Variants in BTG4 observed in about 807,000 individuals in gnomAD.
The protein encoded by BTG4 is protein BTG4.
Under a neutral mutation model 19.3 loss-of-function variants are expected in BTG4, and 10 were observed. The observed-to-expected ratio is 0.52, with a 90% confidence interval of 0.32 to 0.88. The LOEUF (loss-of-function observed/expected upper bound fraction) is 0.88. Among genes scored for constraint, BTG4 ranks in the 40% least tolerant of loss-of-function variants. The pLI is 0.04. For missense variants in BTG4, 238 were observed against 281.9 expected, an observed-to-expected ratio of 0.84 and a Z score of 1.11; for synonymous variants, 91 against 95.7, an observed-to-expected ratio of 0.95 and a Z score of 0.29.
At chr11:111,444,345 C>T in the BTG4 span, among the ~76,000 whole-genome samples, 1 of 151,486 alleles carries the variant, frequency 6.6e-6, no homozygotes, top group African/African-American at 2.4e-5. Context: ...GGAAAAGAAA[C>T]AGGAGAGTCC....
At chr11:111,428,805 A>G in the BTG4 span, among the ~76,000 whole-genome samples, 6 of 152,190 alleles carry the variant, frequency 3.9e-5, no homozygotes, top group African/African-American at 1.2e-4. Context: ...GAATTTCTGC[A>G]AGGCTCTTCA....
At chr11:111,487,737 G>A (rs1445688385) in intron 5 of BTG4, among the ~76,000 whole-genome samples, 1 of 152,048 alleles carries the variant, frequency 6.6e-6, no homozygotes, top group Non-Finnish European at 1.5e-5. Flanking sequence ...AAAATCTATT[G>A]AAACTGAAAA....
In BTG4 at chr11:111,497,978, C is replaced by T. The variant is rs375606339; in HGVS notation, c.311+20G>A. 943 of 1,611,318 alleles carry T rather than the reference C, an allele frequency of 5.9e-4. 6 individuals are homozygous for T. The highest frequency in any genetic ancestry group is 4.5e-3 in the Middle Eastern group (27 of 6,052). On this transcript the variant is annotated intron_variant, in intron 3 of 4. Transcript: ENST00000692032. ...AGGTTTCCAGGTATCACACAGCACACAAACTATGAGATTACTCACCTACAG... is the reference window on the plus strand; with the variant it reads ...AGGTTTCCAGGTATCACACAGCACATAAACTATGAGATTACTCACCTACAG...
At chr11:111,418,488 C>G in the BTG4 span, among the ~76,000 whole-genome samples, 1 of 152,172 alleles carries the variant, frequency 6.6e-6, no homozygotes, top group Non-Finnish European at 1.5e-5. Flanking sequence ...TATCACAGCA[C>G]CTCCTATGCT....
chr11:111,404,382 C>T, the BTG4 span, among the ~76,000 whole-genome samples: 1 of 152,170 alleles, frequency 6.6e-6, no homozygotes, highest in Non-Finnish European at 1.5e-5. Context: ...TACCCAATGT[C>T]ATCCAGCTAG....
the BTG4 span, among the ~76,000 whole-genome samples, chr11:111,444,209 G>A: frequency 6.8e-6 from 1 of 148,132 alleles, no homozygotes; most frequent in Non-Finnish European, 1.5e-5. Context: ...GTGTGTGTGT[G>A]TAGAGACAGT....
At chr11:111,435,759 G>C in the BTG4 span, among the ~76,000 whole-genome samples, 33 of 152,150 alleles carry the variant, frequency 2.2e-4, no homozygotes, top group Non-Finnish European at 4.6e-4. Context: ...CCCAGGGTGA[G>C]GCCACAGCCA....
intron 4 of BTG4, chr11:111,496,887 T>C: frequency 5.8e-6 from 1 of 173,390 alleles, no homozygotes; most frequent in East Asian, 5.8e-5. Flanking sequence ...TATTTTCAAT[T>C]GACAGAAAAA....
the BTG4 span, among the ~76,000 whole-genome samples, chr11:111,443,794 G>A: frequency 1.3e-5 from 2 of 152,228 alleles, no homozygotes; most frequent in Non-Finnish European, 2.9e-5. Context: ...GGTGCAACAA[G>A]TGTAGGGCAG....
the BTG4 span, among the ~76,000 whole-genome samples, chr11:111,445,512 C>G: frequency 1.3e-5 from 2 of 152,180 alleles, no homozygotes; most frequent in African/African-American, 4.8e-5. Context: ...GGGCAGTCCT[C>G]TGTATTCCCA....
chr11:111,492,513 T>C (rs528266128), downstream of BTG4, among the ~76,000 whole-genome samples: 77 of 152,346 alleles, frequency 5.1e-4, no homozygotes, highest in African/African-American at 1.7e-3. Context: ...CAACAAGCAT[T>C]ATTTAATGCC....
At chr11:111,443,199 C>T in the BTG4 span, among the ~76,000 whole-genome samples, 4 of 152,192 alleles carry the variant, frequency 2.6e-5, no homozygotes, top group African/African-American at 9.7e-5. Context: ...GAACATTCTA[C>T]AAAATATCTG....
At chr11:111,438,403 G>A in the BTG4 span, among the ~76,000 whole-genome samples, 1 of 152,184 alleles carries the variant, frequency 6.6e-6, no homozygotes, top group African/African-American at 2.4e-5. Flanking sequence ...CTTGGCTCAT[G>A]CAGCCTCCAC....
chr11:111,444,749 A>G, the BTG4 span, among the ~76,000 whole-genome samples: 1 of 152,200 alleles, frequency 6.6e-6, no homozygotes, highest in Non-Finnish European at 1.5e-5. Context: ...AGGTAAGGGA[A>G]TCAAATGAGA....
intron 5 of BTG4, among the ~76,000 whole-genome samples, chr11:111,476,168 A>G (rs1425188040): frequency 2.0e-5 from 3 of 150,892 alleles, no homozygotes; most frequent in African/African-American, 7.4e-5. Flanking sequence ...ACAATAAAAT[A>G]TTTGTTAACA....
At chr11:111,407,931 C>G in the BTG4 span, among the ~76,000 whole-genome samples, 1 of 152,172 alleles carries the variant, frequency 6.6e-6, no homozygotes, top group Non-Finnish European at 1.5e-5. Flanking sequence ...CAATGAGAAT[C>G]AGAAGGGCAG....
At chr11:111,492,407 T>C (rs1240109827), downstream of BTG4, among the ~76,000 whole-genome samples, 4 of 152,244 alleles carry the variant, frequency 2.6e-5, no homozygotes, top group Non-Finnish European at 4.4e-5. Flanking sequence ...AAATTGTACA[T>C]GTAAAGACCA....
chr11:111,418,567 G>T, the BTG4 span, among the ~76,000 whole-genome samples: 5 of 152,192 alleles, frequency 3.3e-5, no homozygotes, highest in African/African-American at 1.2e-4. Context: ...GACCAACGAT[G>T]CTGGGTGACA....
chr11:111,409,350 T>A, the BTG4 span, among the ~76,000 whole-genome samples: 2 of 152,112 alleles, frequency 1.3e-5, no homozygotes, highest in Admixed American at 1.3e-4. Context: ...CATAGGGGGA[T>A]CGCTTGTGGT....
Sources: gnomAD v4.1 joint callset for allele counts (sites outside exome capture counted in the v4.1 genomes callset) on GRCh38, gnomAD v4.1.1 for gene constraint, MANE v1.5 for transcripts, NCBI Gene and HGNC (gene_info 2026-07-23, HGNC 2026-07-21) for gene names.